RNF20: variants seen among roughly 807,000 people sequenced by gnomAD.
RNF20 encodes the protein ring finger protein 20, also known as E3 ubiquitin-protein ligase BRE1A.
Under a neutral mutation model 126.2 loss-of-function variants are expected in RNF20, and 84 were observed. That is an observed-to-expected ratio of 0.67 (90% CI 0.56 to 0.80). RNF20 has a LOEUF of 0.80. Among genes scored for constraint, RNF20 ranks in the 30% least tolerant of loss-of-function variants. RNF20 has a pLI of 0.00. For missense variants in RNF20, 869 were observed against 1,188.2 expected, an observed-to-expected ratio of 0.73 and a Z score of 3.95; for synonymous variants, 400 against 414.3, an observed-to-expected ratio of 0.97 and a Z score of 0.42.
At chr9:101,554,899 A>G in intron 15 of RNF20, 56 bp downstream of exon 15, 1 of 1,303,682 alleles carries the variant, frequency 7.7e-7, no homozygotes. Flanking sequence ...CTTGACAATA[A>G]GTTATTGCCA....
chr9:101,542,574 A>G (rs1162798961), intron 5 of RNF20, among the ~76,000 whole-genome samples: 1 of 152,200 alleles, frequency 6.6e-6, no homozygotes, highest in African/African-American at 2.4e-5. Context: ...CACCTAATAT[A>G]AAATAATGGT....
chr9:101,561,844 T>C, intron 18 of RNF20, 66 bp from the exon 19 acceptor site: 1 of 1,066,988 alleles, frequency 9.4e-7, no homozygotes, highest in Non-Finnish European at 1.5e-6. Context: ...AACTCAAGTC[T>C]ATTATTTTTC....
In RNF20 at chr9:101,542,042, A is replaced by G. The variant is rs567974732; in HGVS notation, c.628+1067A>G. Among the ~76,000 whole-genome samples the G allele has an allele frequency of 2.0e-5, 3 of 152,296 alleles. No individual in the cohort carries two copies. The South Asian group carries it at 6.2e-4, about 32-fold the overall frequency. ...TAATATCTTAATTTCCCTGCTTATC[A>G]TTAAGATGTTTAACCTTTCATTTCT... On this transcript the variant is annotated intron_variant, in intron 5 of 19. Transcript: ENST00000389120.
At position 101,552,064 on chromosome 9, in the gene RNF20, A is replaced by T. The variant is rs140632389; in HGVS notation, c.1409-77A>T. 7.6e-6 allele frequency: 12 copies of T among 1,571,588 alleles called. No homozygotes were observed. The African/African-American group carries it at 1.6e-4, about 21-fold the overall frequency. On this transcript the variant is annotated intron_variant, in intron 11 of 19. Transcript: ENST00000389120. ...TCTCCCTATTTCTCAGTGCCTCCTGATGTGTTCTGTTCTTTCTCTCCTTGT... is the reference window on the plus strand; with the variant it reads ...TCTCCCTATTTCTCAGTGCCTCCTGTTGTGTTCTGTTCTTTCTCTCCTTGT...
At chr9:101,549,991 C>T (rs561589134) in intron 9 of RNF20, among the ~76,000 whole-genome samples, 19 of 152,164 alleles carry the variant, frequency 1.2e-4, no homozygotes, top group African/African-American at 4.3e-4. Context: ...TCTCTTGCCT[C>T]GGCACCTGGG....
chr9:101,555,563 A>G (rs1476147779), intron 15 of RNF20, among the ~76,000 whole-genome samples: 2 of 152,192 alleles, frequency 1.3e-5, no homozygotes, highest in African/African-American at 4.8e-5. Context: ...TAGCAAAATA[A>G]CAGTGAGATG....
chr9:101,535,543 C>T lies in RNF20; in HGVS notation c.120C>T (p.Val40=). 1.2e-6 allele frequency: 2 copies of T among 1,612,058 alleles called. No homozygotes were observed. The highest frequency in any genetic ancestry group is 1.7e-6 in the Non-Finnish European group (2 of 1,179,018). ...TTVETIKLGG[V]SSTEELDIRT... The stretch of plus-strand genomic sequence containing the variant: ...TGGAAACAATTAAGCTAGGAGGTGT[C>T]TCTTCAACGGTATGAGGAAACAGTG... Residue 40 remains valine, a synonymous_variant, in exon 2 of 20, where the codon GTC becomes GTT. Transcript: ENST00000389120.
Position 101,544,822 on chromosome 9 carries a change from G to A in RNF20, c.684G>A (p.Glu228=), listed in dbSNP as rs372537878. The A allele has an allele frequency of 1.9e-6, 3 of 1,613,818 alleles. No homozygotes were observed. The highest frequency in any genetic ancestry group is 2.5e-6 in the Non-Finnish European group (3 of 1,179,856). ...AGCTGAACTCTTTCCTCGCACAGGAGAATATGAGGCTACAGGAATTGACAG... is the reference window on the plus strand; with the variant it reads ...AGCTGAACTCTTTCCTCGCACAGGAAAATATGAGGCTACAGGAATTGACAG... ...VQELNSFLAQ[E]NMRLQELTDL... Residue 228 remains glutamate (E), a synonymous_variant, in exon 6 of 20, where the codon GAG becomes GAA. Transcript: ENST00000389120.
intron 13 of RNF20, 113 bp from the exon 14 acceptor site, chr9:101,553,875 G>A (rs1827487753): frequency 1.7e-6 from 1 of 600,202 alleles, no homozygotes; most frequent in Non-Finnish European, 3.0e-6. Flanking sequence ...GGTGTGATAT[G>A]AAATGTAAAA....
rs759230038 is a variant in RNF20, at chr9:101,546,931, C to T, written c.859C>T (p.Arg287Ter). Residue 287 changes from arginine (R) to a stop codon, truncating the protein, a stop_gained, in exon 7 of 20, where the codon CGA becomes TGA. Coordinates refer to ENST00000389120, the MANE Select transcript of RNF20 (RefSeq NM_019592.7). LOFTEE classifies it high-confidence loss of function. Reference protein sequence around the residue: ...DIDKIRKREQRLNRHLAEVLE... With the variant: ...DIDKIRKREQ ...TGACAAAATTCGAAAGAGGGAACAGCGACTCAACCGACACTTAGCAGAAGT... is the reference window on the plus strand; with the variant it reads ...TGACAAAATTCGAAAGAGGGAACAGTGACTCAACCGACACTTAGCAGAAGT... 8 of 1,613,924 alleles carry T rather than the reference C, an allele frequency of 5.0e-6. No individual in the cohort carries two copies. Among genetic ancestry groups the T allele is most frequent in the African/African-American group, 4.0e-5 (3 of 74,902 alleles).
chr9:101,552,783 G>A lies in RNF20; in HGVS notation c.1901+30G>A, dbSNP rs757724030. 4.5e-6 allele frequency: 7 copies of A among 1,558,392 alleles called. No homozygotes were observed. The Admixed American group carries it at 9.6e-5, about 21-fold the overall frequency. On this transcript the variant is annotated intron_variant, in intron 13 of 19. Coordinates refer to ENST00000389120, the MANE Select transcript of RNF20 (RefSeq NM_019592.7). ...GAACCACATTTAGAGTAACAGTTTC[G>A]ACTGAAAAGCTAAGATTAAGACATC...
At chr9:101,547,904 T>G (rs1827378240) in intron 9 of RNF20, among the ~76,000 whole-genome samples, 1 of 152,196 alleles carries the variant, frequency 6.6e-6, no homozygotes, top group East Asian at 1.9e-4. Context: ...GACATGACTT[T>G]ATATATAGAA....
At chr9:101,559,901 C>T (rs1408168246) in intron 16 of RNF20, among the ~76,000 whole-genome samples, 2 of 152,124 alleles carry the variant, frequency 1.3e-5, no homozygotes, top group Non-Finnish European at 2.9e-5. Context: ...ATTTCTTTCT[C>T]TTGTCTGATT....
chr9:101,552,651 CAG>C lies in RNF20; in HGVS notation c.1801_1802del (p.Glu601LysfsTer7), dbSNP rs767474616. 5 of 1,520,622 alleles carry C rather than the reference CAG, an allele frequency of 3.3e-6. No individual in the cohort carries two copies. In the African/African-American group the frequency reaches 5.5e-5, roughly 17 times the overall value. 94.2% of individuals were successfully genotyped at this position (1,520,622 alleles called of 1,614,324 possible). ...CGAGAGAAGCAGAAGCTAAAAGAGTCAGAAAAAGAGAGAGATTCTGCTAAGGA... is the reference window on the plus strand; with the variant it reads ...CGAGAGAAGCAGAAGCTAAAAGAGTCAAAAAGAGAGAGATTCTGCTAAGGA... On this transcript the variant is annotated frameshift_variant, in exon 13 of 20. Coordinates refer to ENST00000389120, the MANE Select transcript of RNF20 (RefSeq NM_019592.7). LOFTEE classifies it high-confidence loss of function.
intron 16 of RNF20, among the ~76,000 whole-genome samples, chr9:101,559,431 A>C (rs1182444274): frequency 6.6e-6 from 1 of 152,124 alleles, no homozygotes; most frequent in Non-Finnish European, 1.5e-5. Flanking sequence ...TAGTTCCGTG[A>C]AGAATGATGT....
At chr9:101,543,166 G>C (rs899609811) in intron 5 of RNF20, among the ~76,000 whole-genome samples, 1 of 152,208 alleles carries the variant, frequency 6.6e-6, no homozygotes, top group African/African-American at 2.4e-5. Flanking sequence ...CCTATGATAT[G>C]ATAGGCCTTC....
At chr9:101,554,269 ACT>A (rs1433365524) in intron 14 of RNF20, among the ~76,000 whole-genome samples, 164 bp downstream of exon 14, 1 of 152,130 alleles carries the variant, frequency 6.6e-6, no homozygotes, top group Non-Finnish European at 1.5e-5. Context: ...AGATTTTAAA[ACT>A]CTCCATAGGA....
chr9:101,552,622 A>G lies in RNF20; in HGVS notation c.1770A>G (p.Arg590=), dbSNP rs755274135. The G allele has an allele frequency of 6.5e-7, 1 of 1,533,992 alleles. No homozygotes were observed. The change falls in exon 13 of 20, where the codon AGA becomes AGG. Residue 590 remains arginine (R), a synonymous_variant. Transcript: ENST00000389120. ...GAGAACGGGAGAAGGAGAAGGAGAG[A>G]GAACGAGAGAAGCAGAAGCTAAAAG... The part of the protein sequence containing the change: ...REREREKEKE[R]EREKQKLKES...
chr9:101,534,643 T>A (rs1037690171), intron 1 of RNF20, among the ~76,000 whole-genome samples: 1 of 152,206 alleles, frequency 6.6e-6, no homozygotes, highest in South Asian at 2.1e-4. Context: ...AACTGAGGCT[T>A]AGAGATGATA....
Sources: gnomAD v4.1 joint callset for allele counts (sites outside exome capture counted in the v4.1 genomes callset) on GRCh38, gnomAD v4.1.1 for gene constraint, MANE v1.5 for transcripts, NCBI Gene and HGNC (gene_info 2026-07-23, HGNC 2026-07-21) for gene names.